Variants in UBE2G1 observed in about 807,000 individuals in gnomAD.
UBE2G1 encodes ubiquitin-conjugating enzyme E2 G1.
UBE2G1 carries 5 observed loss-of-function variants against 22.7 expected under a neutral mutation model. That is an observed-to-expected ratio of 0.22 (90% CI 0.12 to 0.46). The LOEUF is 0.46. Among genes scored for constraint, UBE2G1 ranks in the 20% least tolerant of loss-of-function variants. The pLI, the probability that UBE2G1 is intolerant of heterozygous loss-of-function variation, is 0.99. For missense variants in UBE2G1, 88 were observed against 203.9 expected (o/e 0.43, Z 3.46); for synonymous variants, 74 against 67.5 (o/e 1.10, Z -0.47).
At chr17:4,363,919 T>G (rs1969998176) in intron 1 of UBE2G1, among the ~76,000 whole-genome samples, 1 of 116,096 alleles carries the variant, frequency 8.6e-6, no homozygotes, top group Non-Finnish European at 1.6e-5. Context: ...GCCACTGCAC[T>G]CCAGCTGGGC....
chr17:4,317,133 T>G (rs1043579025), intron 1 of UBE2G1, among the ~76,000 whole-genome samples: 4 of 152,048 alleles, frequency 2.6e-5, no homozygotes, highest in Non-Finnish European at 5.9e-5. Flanking sequence ...GGAGATAACC[T>G]GAGGTCAGGA....
chr17:4,365,804 C>G (rs1251282605), intron 1 of UBE2G1, among the ~76,000 whole-genome samples: 2 of 152,302 alleles, frequency 1.3e-5, no homozygotes, highest in African/African-American at 2.4e-5. Context: ...CCTCACCTAT[C>G]CCGCCAGGGC....
rs1359793857 is a variant in UBE2G1 at position 4,271,831 on chromosome 17, A to T, written c.*723T>A. On this transcript the variant is annotated 3_prime_UTR_variant, in exon 6 of 6. Transcript: ENST00000396981. ...AACGGCCAATAAATGTTATTGCTAT[A>T]TCCAATCCAAGAGGTGGGTGCAACT... The T allele has an allele frequency of 6.6e-6, 1 of 152,270 alleles. No individual in the cohort carries two copies. Among genetic ancestry groups the T allele is most frequent in the African/African-American group, 2.4e-5 (1 of 41,318 alleles). 9.4% of individuals were successfully genotyped at this position (152,270 alleles called of 1,614,324 possible). A position where few individuals can be genotyped will look rare whatever the true frequency, so the allele number is the denominator to read the frequency against.
intron 1 of UBE2G1, among the ~76,000 whole-genome samples, chr17:4,327,343 G>A (rs1969514193): frequency 6.6e-6 from 1 of 150,860 alleles, no homozygotes; most frequent in Non-Finnish European, 1.5e-5. Context: ...CGTAGTGGCG[G>A]GCACCCCTAA....
intron 1 of UBE2G1, 77 bp from the exon 2 acceptor site, chr17:4,307,200 C>A: frequency 8.0e-7 from 1 of 1,245,198 alleles, no homozygotes; most frequent in Admixed American, 1.8e-5. Flanking sequence ...AGAACTTGAG[C>A]GTACATGTTT....
chr17:4,309,746 T>C (rs1446043322), intron 1 of UBE2G1, among the ~76,000 whole-genome samples: 1 of 152,236 alleles, frequency 6.6e-6, no homozygotes, highest in African/African-American at 2.4e-5. Flanking sequence ...AAAGATTCTA[T>C]AATATATCCA....
Position 4,317,927 on chromosome 17 carries a change from C to A in UBE2G1, c.47-10804G>T, listed in dbSNP as rs1363959498. ...TTTATAGTGTCACACAAACAGCTTA[C>A]TTTGATCTCGCCTATTTTATAGAAA... On this transcript the variant is annotated intron_variant, in intron 1 of 5. Transcript: ENST00000396981. Among the ~76,000 whole-genome samples, 3 of 152,210 alleles carry A rather than the reference C, an allele frequency of 2.0e-5. No individual in the cohort carries two copies. In the East Asian group the frequency reaches 5.8e-4, roughly 29 times the overall value.
At chr17:4,319,087 G>C (rs1167341622) in intron 1 of UBE2G1, among the ~76,000 whole-genome samples, 1 of 152,026 alleles carries the variant, frequency 6.6e-6, no homozygotes, top group Non-Finnish European at 1.5e-5. Flanking sequence ...AAAGAGTAAA[G>C]ATAATAAACA....
intron 4 of UBE2G1, among the ~76,000 whole-genome samples, chr17:4,285,303 G>A (rs1968949402): frequency 6.6e-6 from 1 of 151,800 alleles, no homozygotes; most frequent in Non-Finnish European, 1.5e-5. Flanking sequence ...AAAAGAAAAG[G>A]AAAAAAGAAC....
intron 1 of UBE2G1, among the ~76,000 whole-genome samples, chr17:4,346,723 C>T (rs1440037752): frequency 4.0e-5 from 6 of 151,530 alleles, no homozygotes; most frequent in Non-Finnish European, 5.9e-5. Flanking sequence ...TGTGAGCCAC[C>T]GCGTCCAGCT....
intron 1 of UBE2G1, among the ~76,000 whole-genome samples, chr17:4,365,401 A>C (rs554912529): frequency 9.2e-5 from 14 of 152,324 alleles, no homozygotes; most frequent in Admixed American, 9.1e-4. Flanking sequence ...AACCCCCTAA[A>C]AAGTCAACCT....
At chr17:4,289,443 T>G in intron 3 of UBE2G1, 35 bp from the exon 4 acceptor site, 1 of 1,472,092 alleles carries the variant, frequency 6.8e-7, no homozygotes, top group South Asian at 1.4e-5. Flanking sequence ...TTTCATATAT[T>G]ACTAATTTGG....
intron 5 of UBE2G1, 58 bp downstream of exon 5, chr17:4,282,740 C>A: frequency 1.7e-6 from 2 of 1,174,738 alleles, no homozygotes; most frequent in Non-Finnish European, 2.4e-6. Flanking sequence ...ACACAATTTC[C>A]AAAAACTAAT....
In UBE2G1 at chr17:4,307,060, C is replaced by A. The variant is rs769874508; in HGVS notation, c.110G>T (p.Arg37Leu). 2 of 1,613,862 alleles carry A rather than the reference C, an allele frequency of 1.2e-6. No homozygotes were observed. The highest frequency in any genetic ancestry group is 1.7e-5 in the Admixed American group (1 of 59,992). Residue 37 changes from arginine to leucine, a missense_variant, in exon 2 of 6, where the codon CGA (arginine) becomes CTA (leucine). Physicochemically the swap from Arg to Leu is moderately radical, Grantham distance 102. Around this residue, in one of 2 missense-constraint regions of UBE2G1, gnomAD observed 50 missense variants for 71.0 expected, o/e 0.70. Transcript: ENST00000396981. The part of the protein sequence containing the change: ...AGLIDDNDLY[R>L]WEVLIIGPPD... Reference sequence around the variant, plus strand: ...AGGGCCAATAATAAGGACTTCCCATCGGTAGAGATCATTGTCATCTATTAA... The same window carrying A: ...AGGGCCAATAATAAGGACTTCCCATAGGTAGAGATCATTGTCATCTATTAA...
chr17:4,277,233 C>T (rs2143672056), intron 5 of UBE2G1, among the ~76,000 whole-genome samples: 1 of 152,268 alleles, frequency 6.6e-6, no homozygotes, highest in East Asian at 1.9e-4. Context: ...CCAGATGCAC[C>T]CCAGTTGAGT....
At chr17:4,325,683 G>T (rs964723869) in intron 1 of UBE2G1, among the ~76,000 whole-genome samples, 3 of 152,102 alleles carry the variant, frequency 2.0e-5, no homozygotes, top group Non-Finnish European at 4.4e-5. Flanking sequence ...CAAGAACAAA[G>T]TTGGAGAACT....
chr17:4,303,144 T>C (rs1472471335), intron 2 of UBE2G1, among the ~76,000 whole-genome samples: 1 of 152,200 alleles, frequency 6.6e-6, no homozygotes, highest in Non-Finnish European at 1.5e-5. Flanking sequence ...AAGATATTTG[T>C]ATGAAGTCTC....
At chr17:4,360,746 T>C (rs1291116765) in intron 1 of UBE2G1, among the ~76,000 whole-genome samples, 1 of 151,746 alleles carries the variant, frequency 6.6e-6, no homozygotes, top group Non-Finnish European at 1.5e-5. Context: ...ACCCCATCTC[T>C]ACTAAAAATA....
At chr17:4,347,808 T>C (rs1047858798) in intron 1 of UBE2G1, among the ~76,000 whole-genome samples, 1 of 152,074 alleles carries the variant, frequency 6.6e-6, no homozygotes, top group African/African-American at 2.4e-5. Context: ...TTTGTTATGG[T>C]GATCTGTGAT....
Sources: allele counts gnomAD v4.1 joint callset (sites outside exome capture counted in the v4.1 genomes callset), GRCh38; gene constraint gnomAD v4.1.1; regional missense constraint gnomAD v4.1.1; transcripts MANE v1.5; gene names NCBI Gene and HGNC (gene_info 2026-07-23, HGNC 2026-07-21).